The following KIAA1328 variants were observed in gnomAD, a reference collection of about 807,000 sequenced individuals.
The protein encoded by KIAA1328 is protein hinderin.
In KIAA1328, 52 loss-of-function variants were observed where a neutral mutation model predicts 68.1. That is an observed-to-expected ratio of 0.76 (90% CI 0.61 to 0.96). KIAA1328 has a LOEUF of 0.96. Among genes scored for constraint, KIAA1328 ranks in the 40% least tolerant of loss-of-function variants. The pLI is 0.00. For synonymous variants in KIAA1328, 232 were observed against 239.4 expected, an observed-to-expected ratio of 0.97 and a Z score of 0.28; for missense variants, 641 against 677.6, an observed-to-expected ratio of 0.95 and a Z score of 0.60.
chr18:37,160,369 A>T lies in KIAA1328; in HGVS notation c.1402A>T (p.Arg468Ter). Residue 468 changes from arginine to a stop codon, truncating the protein, a stop_gained, in exon 8 of 10, where the codon AGA becomes TGA. Transcript: ENST00000280020. LOFTEE classifies it high-confidence loss of function. ...GTCATGTCAAAAGAAAGATACATGT[A>T]GACCCCAAAGAGGTAAGTTTAACAA... is the stretch of plus-strand genomic sequence containing the variant. ...QWSCQKKDTC[R>*]PQRGTVTGVR... The T allele has an allele frequency of 6.2e-7, 1 of 1,612,390 alleles. No individual in the cohort carries two copies. Among genetic ancestry groups the T allele is most frequent in the Non-Finnish European group, 8.5e-7 (1 of 1,179,150 alleles).
rs1054322333 is a variant in KIAA1328 at position 36,989,536 on chromosome 18, CATAGCT to C, written c.576+30102_576+30107del. On this transcript the variant is annotated intron_variant, in intron 6 of 9. Transcript: ENST00000280020. ...TTCTTCTGCTTTTATTCCCATCCAA[CATAGCT>C]TTTTGGTTTCTTTAAATCATTAAGA... 5.7e-4 allele frequency among the ~76,000 whole-genome samples: 87 copies of C among 152,292 alleles called. 1 individual carries two copies. The highest frequency in any genetic ancestry group is 1.9e-3 in the African/African-American group (80 of 41,554).
At chr18:37,164,180 T>C (rs909574210) in intron 8 of KIAA1328, among the ~76,000 whole-genome samples, 4 of 152,250 alleles carry the variant, frequency 2.6e-5, no homozygotes, top group Non-Finnish European at 5.9e-5. Flanking sequence ...TTCACTGTTG[T>C]ATCCCCATCT....
At chr18:36,848,674 A>T (rs1043239040) in intron 4 of KIAA1328, among the ~76,000 whole-genome samples, 2 of 150,440 alleles carry the variant, frequency 1.3e-5, no homozygotes, top group African/African-American at 4.9e-5. Flanking sequence ...ATTATGTACA[A>T]TGTAAGCTGT....
intron 5 of KIAA1328, among the ~76,000 whole-genome samples, chr18:36,910,477 C>T (rs577378083): frequency 6.6e-6 from 1 of 152,080 alleles, no homozygotes; most frequent in East Asian, 1.9e-4. Flanking sequence ...TTCCATTGGT[C>T]TATATTTCTG....
chr18:36,993,109 A>C (rs186653812), intron 6 of KIAA1328, among the ~76,000 whole-genome samples: 6 of 152,274 alleles, frequency 3.9e-5, no homozygotes, highest in Middle Eastern at 3.4e-3. Flanking sequence ...CTGTCTCAAA[A>C]AAACAAACAA....
intron 4 of KIAA1328, among the ~76,000 whole-genome samples, chr18:36,860,136 T>C (rs2047516716): frequency 1.3e-5 from 2 of 152,196 alleles, no homozygotes; most frequent in African/African-American, 4.8e-5. Context: ...GTGAAAAGAA[T>C]GTATTTTGTG....
At chr18:36,930,469 T>C (rs1375005939) in intron 5 of KIAA1328, among the ~76,000 whole-genome samples, 1 of 152,158 alleles carries the variant, frequency 6.6e-6, no homozygotes, top group African/African-American at 2.4e-5. Flanking sequence ...GCCTCCCTTC[T>C]TATGACATAT....
At chr18:37,189,107 T>A (rs2059856559) in intron 9 of KIAA1328, among the ~76,000 whole-genome samples, 1 of 152,212 alleles carries the variant, frequency 6.6e-6, no homozygotes, top group Non-Finnish European at 1.5e-5. Flanking sequence ...GTGAGGATAG[T>A]CCGAAGGCTC....
intron 7 of KIAA1328, among the ~76,000 whole-genome samples, chr18:37,077,700 C>G (rs1193827035): frequency 9.2e-6 from 1 of 108,176 alleles, no homozygotes; most frequent in Admixed American, 8.7e-5. Context: ...AGACAGAGAG[C>G]CAAATCATGA....
chr18:37,093,880 A>C (rs2057331848), intron 7 of KIAA1328, among the ~76,000 whole-genome samples: 1 of 152,226 alleles, frequency 6.6e-6, no homozygotes, highest in Admixed American at 6.5e-5. Context: ...AAGAATTAAA[A>C]ATCCAGCAAG....
At chr18:36,837,869 C>G (rs1019124076) in intron 3 of KIAA1328, among the ~76,000 whole-genome samples, 8 of 152,098 alleles carry the variant, frequency 5.3e-5, no homozygotes, top group African/African-American at 7.2e-5. Flanking sequence ...TTCTTGGCAC[C>G]CTTGTCAAAT....
intron 9 of KIAA1328, among the ~76,000 whole-genome samples, chr18:37,208,046 T>G (rs925142119): frequency 1.3e-5 from 2 of 152,104 alleles, no homozygotes; most frequent in Admixed American, 6.5e-5. Flanking sequence ...CGACCTTAGG[T>G]GATTTTCCTG....
chr18:37,081,040 G>A (rs1353306305), intron 7 of KIAA1328, among the ~76,000 whole-genome samples: 1 of 151,826 alleles, frequency 6.6e-6, no homozygotes, highest in Non-Finnish European at 1.5e-5. Flanking sequence ...GAGTGCAGTG[G>A]CGTGATCTCG....
rs755168732 is a variant in KIAA1328, at chr18:37,225,132, A to G, written c.*2905A>G. 12 of 983,868 alleles carry G rather than the reference A, an allele frequency of 1.2e-5. No individual in the cohort carries two copies. The highest frequency in any genetic ancestry group is 1.8e-5 in the African/African-American group (1 of 57,128). The allele number at this position is 983,868 out of a possible 1,614,324, so 60.9% of individuals were successfully genotyped here. A position where few individuals can be genotyped will look rare whatever the true frequency, so the allele number is the denominator to read the frequency against. On this transcript the variant is annotated 3_prime_UTR_variant, in exon 10 of 10. Coordinates refer to ENST00000280020, the MANE Select transcript of KIAA1328 (RefSeq NM_020776.3). Reference sequence around the variant, plus strand: ...TTCCGGCACCAAGTTCATAATAGAGATCTTCTGGCCAGAGAATCAGGGGAG... The same window carrying G: ...TTCCGGCACCAAGTTCATAATAGAGGTCTTCTGGCCAGAGAATCAGGGGAG...
intron 8 of KIAA1328, 63 bp downstream of exon 8, chr18:37,160,444 T>C (rs1232044176): frequency 7.0e-7 from 1 of 1,438,486 alleles, no homozygotes. Flanking sequence ...TGCTAGCCAA[T>C]GAATTTCAGA....
intron 4 of KIAA1328, among the ~76,000 whole-genome samples, chr18:36,864,306 T>TG (rs2047669247): frequency 6.7e-6 from 1 of 148,254 alleles, no homozygotes; most frequent in Non-Finnish European, 1.5e-5. Flanking sequence ...TTATAATTGT[T>TG]TTTTTTTTTT....
chr18:36,907,790 C>T lies in KIAA1328; in HGVS notation c.448+22118C>T, dbSNP rs967528223. On this transcript the variant is annotated intron_variant, in intron 5 of 9. Coordinates refer to ENST00000280020, the MANE Select transcript of KIAA1328 (RefSeq NM_020776.3). ...GAGTTGTGAAGCATTTCCCCCTCTT[C>T]AATTTCCTGCAAGAGTTTGTATAGA... Among the ~76,000 whole-genome samples, 5 of 152,216 alleles carry T rather than the reference C, an allele frequency of 3.3e-5. No homozygotes were observed. In the Middle Eastern group the frequency reaches 0.01, roughly 311 times the overall value.
intron 5 of KIAA1328, among the ~76,000 whole-genome samples, chr18:36,891,588 A>T (rs942639129): frequency 6.6e-6 from 1 of 152,182 alleles, no homozygotes; most frequent in Admixed American, 6.5e-5. Flanking sequence ...GAGTTACTTC[A>T]TTAAGAATAA....
At chr18:37,147,211 C>T (rs1235658496) in intron 7 of KIAA1328, among the ~76,000 whole-genome samples, 2 of 152,180 alleles carry the variant, frequency 1.3e-5, no homozygotes, top group Non-Finnish European at 2.9e-5. Flanking sequence ...TAATGAGTCT[C>T]AGGCATTCCT....
Sources: gnomAD v4.1 joint callset for allele counts (sites outside exome capture counted in the v4.1 genomes callset) on GRCh38, gnomAD v4.1.1 for gene constraint, MANE v1.5 for transcripts, NCBI Gene and HGNC (gene_info 2026-07-23, HGNC 2026-07-21) for gene names.